The following JAK2 variants were observed in gnomAD, a reference collection of about 807,000 sequenced individuals.
JAK2 encodes the protein tyrosine-protein kinase JAK2.
In JAK2, 86 loss-of-function variants were observed where a neutral mutation model predicts 139.3. That is an observed-to-expected ratio of 0.62 (90% CI 0.52 to 0.74). The LOEUF (loss-of-function observed/expected upper bound fraction) is 0.74. Ranked by LOEUF, JAK2 falls within the 30% of genes least tolerant of loss-of-function variation. JAK2 has a pLI of 0.00. For synonymous variants in JAK2, 490 were observed against 437.7 expected (o/e 1.12, Z -1.49); for missense variants, 1,421 against 1,360.3 (o/e 1.04, Z -0.70).
upstream of JAK2, chr9:4,984,822 T>G (rs1051436081): frequency 1.3e-5 from 2 of 152,032 alleles, no homozygotes; most frequent in African/African-American, 4.8e-5. Context: ...CACCCGCCCA[T>G]CTAGTGAGGG....
rs769639228 is a variant in JAK2, at chr9:5,080,295, C to A, written c.2198C>A (p.Ala733Glu). The A allele has an allele frequency of 1.2e-6, 2 of 1,613,480 alleles. No individual in the cohort carries two copies. The highest frequency in any genetic ancestry group is 2.2e-5 in the South Asian group (2 of 91,056). ...GAAAATCCTAAAAATTTAAATTTGG[C>A]AACAGACAAATGGAGTTTTGGTACC... Reference protein sequence around the residue: ...CIENPKNLNLATDKWSFGTTL... With the variant: ...CIENPKNLNLETDKWSFGTTL... Residue 733 changes from alanine to glutamate, a missense_variant, in exon 17 of 25, where the codon GCA (alanine) becomes GAA (glutamate). Transcript: ENST00000381652.
At chr9:5,040,296 A>G (rs1253188765) in intron 4 of JAK2, among the ~76,000 whole-genome samples, 1 of 152,076 alleles carries the variant, frequency 6.6e-6, no homozygotes, top group Non-Finnish European at 1.5e-5. Context: ...TATATACAAA[A>G]AAAAAAAGCT....
At chr9:4,992,558 C>A (rs1820317038) in intron 2 of JAK2, among the ~76,000 whole-genome samples, 1 of 152,152 alleles carries the variant, frequency 6.6e-6, no homozygotes, top group Non-Finnish European at 1.5e-5. Context: ...GAAATACACG[C>A]AAAATACACT....
chr9:5,079,808 C>A (rs953678184), intron 16 of JAK2, among the ~76,000 whole-genome samples: 5 of 151,664 alleles, frequency 3.3e-5, no homozygotes, highest in Non-Finnish European at 7.4e-5. Context: ...GACACAGTGA[C>A]ACCCTGTCTC....
chr9:5,126,034 A>C (rs528383418), intron 23 of JAK2: 42 of 207,446 alleles, frequency 2.0e-4, no homozygotes, highest in Non-Finnish European at 7.6e-5. Flanking sequence ...TAATATGATA[A>C]AAATATGAGT....
chr9:5,093,754 C>A (rs183855760), intron 22 of JAK2, among the ~76,000 whole-genome samples: 1 of 152,228 alleles, frequency 6.6e-6, no homozygotes, highest in African/African-American at 2.4e-5. Context: ...CAATCCTATT[C>A]TATCATATCA....
upstream of JAK2, chr9:4,984,505 C>T (rs1335431960): frequency 6.6e-6 from 1 of 152,436 alleles, no homozygotes; most frequent in South Asian, 2.1e-4. Flanking sequence ...CCCACCCTCA[C>T]CCCTTTCCAG....
intron 19 of JAK2, 99 bp from the exon 20 acceptor site, chr9:5,089,575 C>T: frequency 4.4e-6 from 1 of 226,294 alleles, no homozygotes; most frequent in East Asian, 8.8e-5. Context: ...AGACAGTCTG[C>T]TAATTCCAGC....
At chr9:5,036,850 G>A (rs757127901) in intron 4 of JAK2, among the ~76,000 whole-genome samples, 13 of 151,990 alleles carry the variant, frequency 8.6e-5, no homozygotes, top group South Asian at 2.1e-4. Flanking sequence ...ACAAAAGCCA[G>A]AATTGACAAA....
At chr9:5,068,314 T>A (rs754006602) in intron 10 of JAK2, among the ~76,000 whole-genome samples, 11 of 152,192 alleles carry the variant, frequency 7.2e-5, no homozygotes, top group African/African-American at 2.4e-5. Flanking sequence ...GTGAACAAGT[T>A]CATAATATAG....
At chr9:5,047,839 G>A (rs200516965) in intron 5 of JAK2, among the ~76,000 whole-genome samples, 1 of 152,012 alleles carries the variant, frequency 6.6e-6, no homozygotes, top group Non-Finnish European at 1.5e-5. Flanking sequence ...GGCTTCAAAT[G>A]ATCCTCCTAC....
chr9:5,071,855 A>G (rs1010875646), intron 12 of JAK2, among the ~76,000 whole-genome samples: 1 of 152,226 alleles, frequency 6.6e-6, no homozygotes, highest in Non-Finnish European at 1.5e-5. Context: ...GCCTTACTGC[A>G]GAGTGCAGGC....
At chr9:5,084,567 C>G (rs1563987716) in intron 19 of JAK2, among the ~76,000 whole-genome samples, 1 of 151,918 alleles carries the variant, frequency 6.6e-6, no homozygotes, top group African/African-American at 2.4e-5. Flanking sequence ...TATTTTCATA[C>G]TGTTGTAAAA....
intron 2 of JAK2, among the ~76,000 whole-genome samples, chr9:5,013,941 C>T (rs1169888790): frequency 3.3e-5 from 5 of 152,016 alleles, no homozygotes; most frequent in African/African-American, 1.2e-4. Flanking sequence ...AAGGATGAAA[C>T]TTATTTTTAG....
chr9:5,073,198 G>A (rs1235801473), intron 13 of JAK2, among the ~76,000 whole-genome samples: 1 of 152,222 alleles, frequency 6.6e-6, no homozygotes, highest in East Asian at 1.9e-4. Flanking sequence ...ATTGGTGATT[G>A]TGATTCACTA....
chr9:5,055,675 C>G lies in JAK2; in HGVS notation c.943C>G (p.Gln315Glu). ...ESETLTEQDL[Q>E]LYCDFPNIID... ...TACATGCTTTTAATTATAGGATTTA[C>G]AGTTATATTGCGATTTTCCTAATAT... Residue 315 changes from glutamine to glutamate, a missense_variant, in exon 8 of 25, where the codon CAG (glutamine) becomes GAG (glutamate). Transcript: ENST00000381652. 1 of 1,568,890 alleles carries G rather than the reference C, an allele frequency of 6.4e-7. No individual in the cohort carries two copies.
At chr9:5,021,273 T>C (rs999754080) in intron 2 of JAK2, among the ~76,000 whole-genome samples, 1 of 149,688 alleles carries the variant, frequency 6.7e-6, no homozygotes, top group African/African-American at 2.4e-5. Context: ...ATCTACTCGC[T>C]ATTTTGGTTC....
intron 22 of JAK2, among the ~76,000 whole-genome samples, chr9:5,092,817 G>A (rs1820690008): frequency 6.6e-6 from 1 of 152,136 alleles, no homozygotes; most frequent in Non-Finnish European, 1.5e-5. Context: ...GGTTGTCCAA[G>A]ATAGAATCTT....
chr9:5,102,853 T>C lies in JAK2; in HGVS notation c.3059+11942T>C, dbSNP rs537767112. 3.3e-4 allele frequency among the ~76,000 whole-genome samples: 50 copies of C among 152,242 alleles called. 1 individual carries two copies. In the South Asian group the frequency reaches 9.8e-3, roughly 30 times the overall value. On this transcript the variant is annotated intron_variant, in intron 22 of 24. Coordinates refer to ENST00000381652, the MANE Select transcript of JAK2 (RefSeq NM_004972.4). ...ACAGACAAGCAAATGCTGAGAGATT[T>C]TGTCATTACCAGGCCTGCCTTACAA...
Sources: gnomAD v4.1 joint callset for allele counts (sites outside exome capture counted in the v4.1 genomes callset) on GRCh38, gnomAD v4.1.1 for gene constraint, MANE v1.5 for transcripts, NCBI Gene and HGNC (gene_info 2026-07-23, HGNC 2026-07-21) for gene names.